PHKB: variants seen among roughly 807,000 people sequenced by gnomAD.
PHKB encodes the protein phosphorylase b kinase regulatory subunit beta.
PHKB carries 122 observed loss-of-function variants against 152.1 expected under a neutral mutation model. That is an observed-to-expected ratio of 0.80 (90% CI 0.69 to 0.93). PHKB has a LOEUF of 0.93. PHKB is among the 40% of genes least tolerant of loss of function. The pLI is 0.00. For synonymous variants in PHKB, 436 were observed against 464.9 expected, an observed-to-expected ratio of 0.94 and a Z score of 0.80; for missense variants, 1,304 against 1,328.4, an observed-to-expected ratio of 0.98 and a Z score of 0.29.
rs151003128 is a variant in PHKB at position 47,613,473 on chromosome 16, G to C, written c.1458+2553G>C. 7.7e-3 allele frequency among the ~76,000 whole-genome samples: 1,165 copies of C among 152,244 alleles called. 23 individuals carry two copies. The highest frequency in any genetic ancestry group is 0.027 in the African/African-American group (1,123 of 41,546). On this transcript the variant is annotated intron_variant, in intron 14 of 30. Transcript: ENST00000323584. ...TGTTTAAGCACCAGCCAGCCCCACA[G>C]GGAAAAACCAGATGTTCACCATAAA...
chr16:47,591,204 T>G (rs1258361038), intron 10 of PHKB, among the ~76,000 whole-genome samples: 1 of 152,190 alleles, frequency 6.6e-6, no homozygotes, highest in Non-Finnish European at 1.5e-5. Context: ...ACATTGATGT[T>G]TATCATTAAG....
intron 7 of PHKB, 75 bp from the exon 8 acceptor site, chr16:47,580,220 A>C (rs983274253): frequency 4.6e-6 from 5 of 1,097,136 alleles, no homozygotes; most frequent in Non-Finnish European, 7.0e-6. Flanking sequence ...TTGCTCGTGA[A>C]TATTCATCAG....
At chr16:47,502,877 A>G in intron 3 of PHKB, 114 bp from the exon 4 acceptor site, 2 of 722,514 alleles carry the variant, frequency 2.8e-6, no homozygotes, top group Non-Finnish European at 5.0e-6. Context: ...CAGAATTGGT[A>G]GACATCACCA....
At chr16:47,535,648 C>T (rs1469091087) in intron 6 of PHKB, among the ~76,000 whole-genome samples, 1 of 152,164 alleles carries the variant, frequency 6.6e-6, no homozygotes, top group Non-Finnish European at 1.5e-5. Flanking sequence ...TAACTTGTTT[C>T]TTAGCACACA....
chr16:47,461,386 C>A lies in PHKB; in HGVS notation c.36C>A (p.Ser12Arg). 6.2e-7 allele frequency: 1 copy of A among 1,612,984 alleles called. No individual in the cohort carries two copies. Among genetic ancestry groups the A allele is most frequent in the Non-Finnish European group, 8.5e-7 (1 of 1,179,772 alleles). The change falls in exon 1 of 31, where the codon AGC (serine) becomes AGA (arginine). Residue 12 changes from serine (S) to arginine (R), a missense_variant. Transcript: ENST00000323584. Reference protein sequence around the residue: ...AGAAGLTAEVSWKVLERRART... With the variant: ...AGAAGLTAEVRWKVLERRART... Reference sequence around the variant, plus strand: ...CGGCGGGACTCACGGCAGAAGTGAGCTGGAAGGTCTTGGAGCGAAGAGCTC... The same window carrying A: ...CGGCGGGACTCACGGCAGAAGTGAGATGGAAGGTCTTGGAGCGAAGAGCTC...
chr16:47,516,243 A>G (rs985296707), intron 6 of PHKB, among the ~76,000 whole-genome samples: 23 of 152,130 alleles, frequency 1.5e-4, no homozygotes, highest in African/African-American at 5.1e-4. Flanking sequence ...TTTGTTTTAC[A>G]TCGTTGCATT....
At chr16:47,596,566 C>G in intron 13 of PHKB, 35 bp downstream of exon 13, 1 of 1,592,566 alleles carries the variant, frequency 6.3e-7, no homozygotes, top group Non-Finnish European at 8.6e-7. Flanking sequence ...TATTTTTTTC[C>G]TTGTTATTAA....
chr16:47,596,068 G>A (rs1972112301), intron 12 of PHKB, among the ~76,000 whole-genome samples: 1 of 152,178 alleles, frequency 6.6e-6, no homozygotes, highest in African/African-American at 2.4e-5. Context: ...GGGCCAGGTG[G>A]AGATAATTGA....
At chr16:47,651,056 G>A in intron 20 of PHKB, 135 bp downstream of exon 20, 1 of 719,520 alleles carries the variant, frequency 1.4e-6, no homozygotes, top group Non-Finnish European at 2.5e-6. Flanking sequence ...TATTCCTATT[G>A]TCACTTTTCC....
At chr16:47,655,114 A>G (rs1467469697) in intron 20 of PHKB, among the ~76,000 whole-genome samples, 1 of 152,206 alleles carries the variant, frequency 6.6e-6, no homozygotes, top group Non-Finnish European at 1.5e-5. Flanking sequence ...CTTATTCACT[A>G]TAATTGATGG....
At chr16:47,637,623 A>T (rs1281073021) in intron 14 of PHKB, among the ~76,000 whole-genome samples, 1 of 152,222 alleles carries the variant, frequency 6.6e-6, no homozygotes, top group South Asian at 2.1e-4. Flanking sequence ...ATGTGACCAT[A>T]GACTTGTGTT....
chr16:47,525,372 A>C (rs1447581699), intron 6 of PHKB, among the ~76,000 whole-genome samples: 2 of 152,192 alleles, frequency 1.3e-5, no homozygotes, highest in African/African-American at 2.4e-5. Flanking sequence ...ACTACTTTCT[A>C]TCAGTGTTAA....
intron 6 of PHKB, among the ~76,000 whole-genome samples, chr16:47,517,416 C>T (rs564382843): frequency 9.9e-5 from 15 of 151,932 alleles, no homozygotes; most frequent in East Asian, 5.8e-4. Flanking sequence ...CCACCATGCC[C>T]GGCTAATTTC....
chr16:47,635,164 G>A (rs959258071), intron 14 of PHKB, among the ~76,000 whole-genome samples: 6 of 152,124 alleles, frequency 3.9e-5, no homozygotes, highest in African/African-American at 1.4e-4. Context: ...TGAATTAGCA[G>A]CACGTCACAG....
At chr16:47,509,104 A>G (rs1970466864) in intron 4 of PHKB, among the ~76,000 whole-genome samples, 1 of 152,164 alleles carries the variant, frequency 6.6e-6, no homozygotes, top group Admixed American at 6.5e-5. Flanking sequence ...ATCCTTTTAG[A>G]TCTGTATCAA....
chr16:47,610,941 T>A (rs777981661), intron 14 of PHKB, 21 bp downstream of exon 14: 14 of 1,401,692 alleles, frequency 1.0e-5, no homozygotes, highest in Admixed American at 1.7e-5. Flanking sequence ...ATTCTATTTC[T>A]TGATTTAGAC....
At position 47,502,992 on chromosome 16, in the gene PHKB, C is replaced by T. The variant is rs145166656; in HGVS notation, c.307C>T (p.Arg103Ter). The T allele has an allele frequency of 1.6e-5, 25 of 1,606,170 alleles. No homozygotes were observed. Among genetic ancestry groups the T allele is most frequent in the Admixed American group, 8.3e-5 (5 of 59,982 alleles). ...TCATGAGTTATCTCTCTCACCCAGG[C>T]GAATTGATGATGACAAGGGAAGGAC... ...GAWALALAYRRIDDDKGRTHE... is the reference protein window; with the variant it reads ...GAWALALAYR The change falls in exon 4 of 31, where the codon CGA (arginine) becomes TGA (stop). Residue 103 changes from arginine to a stop codon, truncating the protein, a stop_gained and splice_region_variant. Coordinates refer to ENST00000323584, the MANE Select transcript of PHKB (RefSeq NM_000293.3). LOFTEE classifies it high-confidence loss of function.
At chr16:47,552,891 G>A (rs1419360684) in intron 7 of PHKB, among the ~76,000 whole-genome samples, 3 of 152,100 alleles carry the variant, frequency 2.0e-5, no homozygotes, top group African/African-American at 7.2e-5. Context: ...TAGGGTTTCT[G>A]CAGAGAGATC....
intron 8 of PHKB, among the ~76,000 whole-genome samples, chr16:47,582,921 C>T (rs928444932): frequency 2.0e-5 from 3 of 152,104 alleles, no homozygotes; most frequent in African/African-American, 4.8e-5. Flanking sequence ...CTCAGCCTCC[C>T]GAGTAGCTGG....
Sources: allele counts gnomAD v4.1 joint callset (sites outside exome capture counted in the v4.1 genomes callset), GRCh38; gene constraint gnomAD v4.1.1; transcripts MANE v1.5; gene names NCBI Gene and HGNC (gene_info 2026-07-23, HGNC 2026-07-21).